Variants in USP32 observed in about 807,000 individuals in gnomAD.
The protein encoded by USP32 is ubiquitin specific peptidase 32, also known as ubiquitin carboxyl-terminal hydrolase 32.
USP32 carries 59 observed loss-of-function variants against 204.8 expected under a neutral mutation model. The ratio of observed to expected loss-of-function variants is 0.29; its 90% CI spans 0.23 to 0.36. USP32 has a LOEUF of 0.36. Ranked by LOEUF, USP32 falls within the 10% of genes least tolerant of loss-of-function variation. The pLI is 1.00. For synonymous variants in USP32, 517 were observed against 678.4 expected (o/e 0.76, Z 3.70); for missense variants, 1,160 against 1,946.4 (o/e 0.60, Z 7.60).
intron 5 of USP32, among the ~76,000 whole-genome samples, chr17:60,282,641 C>T (rs914687412): frequency 2.6e-5 from 4 of 151,986 alleles, no homozygotes; most frequent in East Asian, 1.9e-4. Flanking sequence ...CATGAGCCAC[C>T]GCACCCAGCC....
intron 1 of USP32, among the ~76,000 whole-genome samples, chr17:60,349,596 A>AAAAAAT (rs1555618242): frequency 6.1e-5 from 4 of 65,202 alleles, no homozygotes; most frequent in African/African-American, 1.5e-4. Context: ...AAAAAAAAAA[A>AAAAAAT]ATATATATAT....
intron 1 of USP32, among the ~76,000 whole-genome samples, chr17:60,348,205 T>G (rs2088836962): frequency 6.6e-6 from 1 of 151,704 alleles, no homozygotes; most frequent in African/African-American, 2.4e-5. Flanking sequence ...GAAAATGCAA[T>G]GGGGTTTTAG....
chr17:60,352,406 A>C (rs1003998459), intron 1 of USP32, among the ~76,000 whole-genome samples: 1 of 152,208 alleles, frequency 6.6e-6, no homozygotes, highest in African/African-American at 2.4e-5. Flanking sequence ...GATTTTTAAA[A>C]GCCTAGATGA....
At chr17:60,318,049 T>A (rs983522520) in intron 2 of USP32, among the ~76,000 whole-genome samples, 6 of 152,190 alleles carry the variant, frequency 3.9e-5, no homozygotes, top group African/African-American at 1.4e-4. Context: ...ATCATGACTG[T>A]TAAACATTTT....
At chr17:60,402,246 C>CTTTTTTT (rs761342227) in intron 1 of USP32, among the ~76,000 whole-genome samples, 6 of 118,446 alleles carry the variant, frequency 5.1e-5, no homozygotes, top group African/African-American at 1.0e-4. Flanking sequence ...CCTCATTTAT[C>CTTTTTTT]TTTTTTTTTT....
chr17:60,326,986 GGAAGT>G (rs1222608966), intron 2 of USP32, among the ~76,000 whole-genome samples: 1 of 152,018 alleles, frequency 6.6e-6, no homozygotes, highest in African/African-American at 2.4e-5. Flanking sequence ...GGGAGGGGGA[GGAAGT>G]GATAGCTGAA....
At chr17:60,337,787 G>A (rs2088557611) in intron 2 of USP32, among the ~76,000 whole-genome samples, 1 of 151,830 alleles carries the variant, frequency 6.6e-6, no homozygotes, top group Non-Finnish European at 1.5e-5. Context: ...GGCTGAGGTG[G>A]GAAAAATCGC....
intron 1 of USP32, among the ~76,000 whole-genome samples, chr17:60,347,875 C>T (rs1006878440): frequency 6.6e-6 from 1 of 151,794 alleles, no homozygotes; most frequent in African/African-American, 2.4e-5. Flanking sequence ...GTAATCCCAG[C>T]ACTTTGGGAG....
intron 9 of USP32, among the ~76,000 whole-genome samples, chr17:60,256,043 T>G (rs1467088998): frequency 1.3e-5 from 2 of 151,784 alleles, no homozygotes; most frequent in Admixed American, 6.6e-5. Flanking sequence ...ATGTGAGAGA[T>G]TTAATAGAAA....
In USP32 at chr17:60,380,516, A is replaced by G. The variant is rs569304282; in HGVS notation, c.58+11366T>C. Among the ~76,000 whole-genome samples, 1,442 of 152,314 alleles carry G rather than the reference A, an allele frequency of 9.5e-3. 32 individuals are homozygous for G. Among genetic ancestry groups the G allele is most frequent in the African/African-American group, 0.033 (1,386 of 41,574 alleles). On this transcript the variant is annotated intron_variant, in intron 1 of 33. Transcript: ENST00000300896. ...CTGGGGAGTTGAGGCTGCAGTGAGC[A>G]GTAAATGTGCCACTGCACTCCAGCC...
chr17:60,184,257 G>A (rs1321933441), intron 30 of USP32, among the ~76,000 whole-genome samples: 3 of 151,082 alleles, frequency 2.0e-5, no homozygotes, highest in Non-Finnish European at 4.4e-5. Context: ...GAGGCTTGCA[G>A]TGAACTGAGA....
intron 2 of USP32, among the ~76,000 whole-genome samples, chr17:60,305,638 G>T (rs1012071388): frequency 1.1e-4 from 17 of 152,166 alleles, no homozygotes; most frequent in Non-Finnish European, 2.2e-4. Flanking sequence ...ATTAAACAAA[G>T]AAATTTCAAA....
At chr17:60,346,862 G>A (rs1424684861) in intron 1 of USP32, among the ~76,000 whole-genome samples, 1 of 152,196 alleles carries the variant, frequency 6.6e-6, no homozygotes, top group Non-Finnish European at 1.5e-5. Context: ...GTATAAAAAT[G>A]TATCATAAAA....
At chr17:60,344,335 G>C (rs1598268623) in intron 2 of USP32, among the ~76,000 whole-genome samples, 1 of 151,972 alleles carries the variant, frequency 6.6e-6, no homozygotes, top group African/African-American at 2.4e-5. Flanking sequence ...TTACCATGTT[G>C]GCCAGGCTGG....
chr17:60,272,550 T>C (rs1365721820), intron 5 of USP32, among the ~76,000 whole-genome samples: 3 of 152,222 alleles, frequency 2.0e-5, no homozygotes, highest in Non-Finnish European at 4.4e-5. Context: ...CTGTCTATAA[T>C]GGAGTAACTA....
At chr17:60,275,789 G>GT (rs1483154728) in intron 5 of USP32, among the ~76,000 whole-genome samples, 1 of 151,796 alleles carries the variant, frequency 6.6e-6, no homozygotes, top group African/African-American at 2.4e-5. Context: ...TTAGCTCACT[G>GT]TAACGTCTGC....
intron 2 of USP32, among the ~76,000 whole-genome samples, chr17:60,340,946 T>TA (rs2088643619): frequency 6.6e-6 from 1 of 152,066 alleles, no homozygotes; most frequent in South Asian, 2.1e-4. Flanking sequence ...TTTGGCTAGA[T>TA]ATGAAATTCT....
chr17:60,334,624 G>A (rs1265677459), intron 2 of USP32, among the ~76,000 whole-genome samples: 5 of 143,406 alleles, frequency 3.5e-5, no homozygotes, highest in East Asian at 1.9e-4. Context: ...CCCGGGAGGC[G>A]GAGCTTGCAG....
chr17:60,412,255 G>A (rs2090024264), intron 1 of USP32, among the ~76,000 whole-genome samples: 1 of 152,094 alleles, frequency 6.6e-6, no homozygotes, highest in Admixed American at 6.6e-5. Context: ...TATAATCCCA[G>A]CACTTTGGGA....
Sources: allele counts gnomAD v4.1 joint callset (sites outside exome capture counted in the v4.1 genomes callset), GRCh38; gene constraint gnomAD v4.1.1; transcripts MANE v1.5; gene names NCBI Gene and HGNC (gene_info 2026-07-23, HGNC 2026-07-21).